Variants in ZFC3H1 observed in about 807,000 individuals in gnomAD.
ZFC3H1 encodes the protein zinc finger C3H1 domain-containing protein.
Under a neutral mutation model 243.7 loss-of-function variants are expected in ZFC3H1, and 71 were observed. The ratio of observed to expected loss-of-function variants is 0.29; its 90% CI spans 0.24 to 0.36. ZFC3H1 has a LOEUF of 0.36. Ranked by LOEUF, ZFC3H1 falls within the 10% of genes least tolerant of loss-of-function variation. The pLI is 1.00. For missense variants in ZFC3H1, 1,966 were observed against 2,317.1 expected, an observed-to-expected ratio of 0.85 and a Z score of 3.11; for synonymous variants, 838 against 813.0, an observed-to-expected ratio of 1.03 and a Z score of -0.52.
At chr12:71,637,151 T>C in intron 7 of ZFC3H1, 92 bp from the exon 8 acceptor site, 2 of 1,103,934 alleles carry the variant, frequency 1.8e-6, no homozygotes, top group Non-Finnish European at 2.5e-6. Flanking sequence ...AAAAATAAAC[T>C]TTACATTATT....
intron 3 of ZFC3H1, 51 bp downstream of exon 3, chr12:71,647,698 A>G: frequency 1.0e-6 from 1 of 996,678 alleles, no homozygotes; most frequent in Non-Finnish European, 1.5e-6. Context: ...AAATAAAGCA[A>G]TGCAAAAATG....
At chr12:71,652,870 C>A (rs1880926179) in intron 2 of ZFC3H1, among the ~76,000 whole-genome samples, 1 of 151,936 alleles carries the variant, frequency 6.6e-6, no homozygotes, top group South Asian at 2.1e-4. Flanking sequence ...TGAACTGATT[C>A]CAAGGCTGAA....
chr12:71,628,330 A>AT (rs1165543220), intron 20 of ZFC3H1, among the ~76,000 whole-genome samples: 1 of 152,272 alleles, frequency 6.6e-6, no homozygotes, highest in Non-Finnish European at 1.5e-5. Context: ...TTATTCTACT[A>AT]TATCTAAACT....
Position 71,614,855 on chromosome 12 carries a change from A to G in ZFC3H1, c.5339T>C (p.Ile1780Thr), listed in dbSNP as rs758165809. The change falls in exon 29 of 35, where the codon ATA (isoleucine) becomes ACA (threonine). Residue 1780 changes from isoleucine to threonine, a missense_variant. Physicochemically the swap from Ile to Thr is moderately conservative, Grantham distance 89. Coordinates refer to ENST00000378743, the MANE Select transcript of ZFC3H1 (RefSeq NM_144982.5). The stretch of plus-strand genomic sequence containing the variant: ...TTACTCCATCCATATCTTCTGTACT[A>G]TATCACATCTCATAGCCACCCCTAA... ...AALGVAMRCD[I>T]VQKIWMDYLV... 3 of 1,613,440 alleles carry G rather than the reference A, an allele frequency of 1.9e-6. No individual in the cohort carries two copies. In the African/African-American group the frequency reaches 4.0e-5, roughly 22 times the overall value.
chr12:71,642,237 A>T (rs1880618583), intron 6 of ZFC3H1, among the ~76,000 whole-genome samples, 199 bp downstream of exon 6: 1 of 152,182 alleles, frequency 6.6e-6, no homozygotes. Flanking sequence ...ATCTAGAAAC[A>T]CTCGGAAATA....
At chr12:71,631,389 T>TA (rs1357274028) in intron 16 of ZFC3H1, among the ~76,000 whole-genome samples, 1 of 152,128 alleles carries the variant, frequency 6.6e-6, no homozygotes, top group Admixed American at 6.5e-5. Context: ...CCCACAAAGT[T>TA]AATCATATGA....
Position 71,644,990 on chromosome 12 carries a change from T to C in ZFC3H1, c.1166A>G (p.Lys389Arg). 1.2e-6 allele frequency: 2 copies of C among 1,613,824 alleles called. No homozygotes were observed. Among genetic ancestry groups the C allele is most frequent in the Non-Finnish European group, 1.7e-6 (2 of 1,180,022 alleles). ...LQSASKKWQQKEQQVMKESKE... is the reference protein window; with the variant it reads ...LQSASKKWQQREQQVMKESKE... Reference sequence around the variant, plus strand: ...GCTTTCTTTCATCACCTGCTGTTCTTTTTGTTGCCATTTTTTACTGGCTGA... The same window carrying C: ...GCTTTCTTTCATCACCTGCTGTTCTCTTTGTTGCCATTTTTTACTGGCTGA... The change falls in exon 4 of 35, where the codon AAA becomes AGA. Residue 389 changes from lysine (K) to arginine (R), a missense_variant. Around this residue, in one of 4 missense-constraint regions of ZFC3H1, gnomAD observed 91 missense variants for 107.6 expected, o/e 0.85. Coordinates refer to ENST00000378743, the MANE Select transcript of ZFC3H1 (RefSeq NM_144982.5).
At chr12:71,656,457 A>C in intron 2 of ZFC3H1, 1 of 612,484 alleles carries the variant, frequency 1.6e-6, no homozygotes, top group Non-Finnish European at 2.8e-6. Context: ...TTAGATGCTC[A>C]TCCCAATAAT....
chr12:71,657,689 AT>A (rs1881055932), intron 1 of ZFC3H1, among the ~76,000 whole-genome samples: 2 of 152,134 alleles, frequency 1.3e-5, no homozygotes, highest in Admixed American at 1.3e-4. Flanking sequence ...ACAGATGCGG[AT>A]AGTTTACACT....
chr12:71,627,771 C>T lies in ZFC3H1; in HGVS notation c.4110G>A (p.Lys1370=), dbSNP rs189861199. 298 of 1,612,342 alleles carry T rather than the reference C, an allele frequency of 1.8e-4. 1 individual carries two copies. The African/African-American group carries it at 3.3e-3, about 18-fold the overall frequency. The change falls in exon 21 of 35, where the codon AAG becomes AAA. Residue 1370 remains lysine (K), a synonymous_variant. Coordinates refer to ENST00000378743, the MANE Select transcript of ZFC3H1 (RefSeq NM_144982.5). ...CCTACCCCTCATTTTGATTCAAGTA[C>T]TTGTACGCAAGCTTGAGCCAAAGTT... ...HVQLWLKLAY[K]YLNQNEGECS...
At chr12:71,649,301 C>T (rs2464166) in intron 2 of ZFC3H1, among the ~76,000 whole-genome samples, 81,074 of 151,954 alleles carry the variant, frequency 0.53, 25,320 homozygotes, top group Middle Eastern at 0.72. Context: ...AAGCCACAGC[C>T]ATCCACATCT....
chr12:71,654,041 TAAAC>T (rs1347255484), intron 2 of ZFC3H1, among the ~76,000 whole-genome samples: 3 of 151,926 alleles, frequency 2.0e-5, no homozygotes, highest in Admixed American at 6.6e-5. Flanking sequence ...AGCATATAAT[TAAAC>T]AACCTAGAAT....
intron 27 of ZFC3H1, among the ~76,000 whole-genome samples, chr12:71,618,172 G>C (rs1414816854): frequency 6.6e-6 from 1 of 152,010 alleles, no homozygotes; most frequent in Non-Finnish European, 1.5e-5. Flanking sequence ...GGCTGAGGCA[G>C]GAGAATTGCT....
intron 1 of ZFC3H1, among the ~76,000 whole-genome samples, chr12:71,661,722 T>C (rs963146337): frequency 2.6e-5 from 4 of 152,108 alleles, no homozygotes; most frequent in Non-Finnish European, 5.9e-5. Context: ...TCTCAAGTGA[T>C]CCACCGCCTC....
chr12:71,628,859 A>C (rs945627083), intron 20 of ZFC3H1, 59 bp downstream of exon 20: 1 of 1,507,016 alleles, frequency 6.6e-7, no homozygotes, highest in Non-Finnish European at 8.8e-7. Flanking sequence ...CAAAGTGTTA[A>C]ATAAAGATGG....
At chr12:71,645,610 A>G (rs1880710058) in intron 3 of ZFC3H1, among the ~76,000 whole-genome samples, 2 of 152,296 alleles carry the variant, frequency 1.3e-5, no homozygotes, top group South Asian at 4.1e-4. Context: ...TTGAAGGGAA[A>G]AATCTATAGA....
In ZFC3H1 at chr12:71,657,003, A is replaced by C; in HGVS notation, c.897T>G (p.Phe299Leu). Residue 299 changes from phenylalanine to leucine, a missense_variant, in exon 2 of 35, where the codon TTT becomes TTG. Physicochemically the swap from Phe to Leu is conservative, Grantham distance 22. This residue lies in a region of ZFC3H1 where 484 missense variants were observed against 449.7 expected (regional missense o/e 1.08). Transcript: ENST00000378743. ...ATTTTTGCCTGAGTGGTTTTAATTC[A>C]AATGCCTGAAAAGTTTTGACTTGTG... ...EKTQVKTFQAFELKPLRQKLT... is the reference protein window; with the variant it reads ...EKTQVKTFQALELKPLRQKLT... The C allele has an allele frequency of 6.2e-7, 1 of 1,613,892 alleles. No homozygotes were observed.
At chr12:71,640,381 G>A (rs117499322) in intron 6 of ZFC3H1, among the ~76,000 whole-genome samples, 2 of 152,330 alleles carry the variant, frequency 1.3e-5, no homozygotes, top group East Asian at 1.9e-4. Flanking sequence ...CTTACAGTGT[G>A]AGCACTGGCC....
chr12:71,658,132 C>T (rs1881068079), intron 1 of ZFC3H1, among the ~76,000 whole-genome samples: 2 of 151,956 alleles, frequency 1.3e-5, no homozygotes, highest in African/African-American at 2.4e-5. Context: ...CAAAAGGTAA[C>T]TTTTTCCTTA....
Sources: gnomAD v4.1 joint callset for allele counts (sites outside exome capture counted in the v4.1 genomes callset) on GRCh38, gnomAD v4.1.1 for gene constraint, gnomAD v4.1.1 regional missense constraint, MANE v1.5 for transcripts, NCBI Gene and HGNC (gene_info 2026-07-23, HGNC 2026-07-21) for gene names.